The following TFB1M variants were observed in gnomAD, a reference collection of about 807,000 sequenced individuals.
The protein encoded by TFB1M is dimethyladenosine transferase 1, mitochondrial.
TFB1M carries 27 observed loss-of-function variants against 31.1 expected under a neutral mutation model. That is an observed-to-expected ratio of 0.87 (90% confidence interval 0.64 to 1.20). The LOEUF (loss-of-function observed/expected upper bound fraction) is 1.20, where lower values mean the gene tolerates loss of function less well. TFB1M is among the 50% of genes most tolerant of loss of function. The pLI, the probability that TFB1M is intolerant of heterozygous loss-of-function variation, is 0.00. For missense variants in TFB1M, 394 were observed against 418.7 expected (o/e 0.94, Z 0.51); for synonymous variants, 166 against 151.8 (o/e 1.09, Z -0.69).
chr6:155,288,913 A>G (rs1196427557), intron 4 of TFB1M, among the ~76,000 whole-genome samples: 1 of 152,214 alleles, frequency 6.6e-6, no homozygotes, highest in Non-Finnish European at 1.5e-5. Flanking sequence ...TTCAACATCC[A>G]TTACAAGATA....
At chr6:155,297,487 G>A (rs1290411687) in intron 3 of TFB1M, among the ~76,000 whole-genome samples, 1 of 152,166 alleles carries the variant, frequency 6.6e-6, no homozygotes, top group East Asian at 1.9e-4. Context: ...GGTACAGGCA[G>A]CATATAAAGA....
intron 5 of TFB1M, among the ~76,000 whole-genome samples, chr6:155,278,545 A>C (rs544046343): frequency 7.2e-5 from 11 of 152,100 alleles, no homozygotes; most frequent in Non-Finnish European, 1.5e-4. Flanking sequence ...GTCCTGGTCT[A>C]AAACCTAACA....
rs548727782 is a variant in TFB1M at position 155,310,214 on chromosome 6, A to G, written c.285+974T>C. Among the ~76,000 whole-genome samples, 11 of 152,324 alleles carry G rather than the reference A, an allele frequency of 7.2e-5. No homozygotes were observed. The South Asian group carries it at 2.3e-3, about 32-fold the overall frequency. On this transcript the variant is annotated intron_variant, in intron 2 of 6. Transcript: ENST00000367166. ...TGGAAGTAATAACGTAGATAACTACATTATTCTATTATAGTCACATGATAA... is the reference window on the plus strand; with the variant it reads ...TGGAAGTAATAACGTAGATAACTACGTTATTCTATTATAGTCACATGATAA...
chr6:155,260,728 G>T, intron 5 of TFB1M: 1 of 375,980 alleles, frequency 2.7e-6, no homozygotes, highest in Non-Finnish European at 5.1e-6. Flanking sequence ...ATAATAGATG[G>T]CATTAGAATA....
intron 5 of TFB1M, among the ~76,000 whole-genome samples, chr6:155,266,675 T>C (rs982224538): frequency 1.3e-4 from 19 of 151,636 alleles, no homozygotes; most frequent in Non-Finnish European, 2.2e-4. Flanking sequence ...TGAAACCCCG[T>C]CTCTACTAAA....
In TFB1M at chr6:155,285,274, G is replaced by A. The variant is rs779992470; in HGVS notation, c.550C>T (p.Leu184Phe). The A allele has an allele frequency of 6.2e-7, 1 of 1,613,892 alleles. No individual in the cohort carries two copies. Among genetic ancestry groups the A allele is most frequent in the South Asian group, 1.1e-5 (1 of 91,068 alleles). The change falls in exon 5 of 7, where the codon CTT (leucine) becomes TTT (phenylalanine). Residue 184 changes from leucine (L) to phenylalanine (F), a missense_variant. Coordinates refer to ENST00000367166, the MANE Select transcript of TFB1M (RefSeq NM_016020.4). Reference sequence around the variant, plus strand: ...TGTTTGCTTCCTGTATTGGCTGCAAGTCTCTAGAGAGAGACAAAAATGAAT... The same window carrying A: ...TGTTTGCTTCCTGTATTGGCTGCAAATCTCTAGAGAGAGACAAAAATGAAT... ...LTFQKEVAER[L>F]AANTGSKQRS...
chr6:155,297,702 A>G (rs1024415099), intron 3 of TFB1M, among the ~76,000 whole-genome samples: 3 of 152,252 alleles, frequency 2.0e-5, no homozygotes, highest in Non-Finnish European at 1.5e-5. Context: ...AAAGAGCAAG[A>G]GAAATCCTCC....
the TFB1M span, chr6:155,245,755 G>GTTTTTTTTTTTTTTTTTTTGTTT: frequency 1.1e-6 from 1 of 920,100 alleles, no homozygotes; most frequent in Non-Finnish European, 1.5e-6. Flanking sequence ...GCCTTTTATA[G>GTTTTTTTTTTTTTTTTTTTGTTT]TTTTTTTTTT....
chr6:155,309,915 A>C (rs546283221), intron 2 of TFB1M, among the ~76,000 whole-genome samples: 1 of 152,294 alleles, frequency 6.6e-6, no homozygotes, highest in South Asian at 2.1e-4. Context: ...TCTCAACATA[A>C]AGTTTAGTAT....
intron 2 of TFB1M, among the ~76,000 whole-genome samples, chr6:155,309,873 C>G (rs1299540680): frequency 6.6e-6 from 1 of 152,124 alleles, no homozygotes; most frequent in Admixed American, 6.5e-5. Context: ...TTAAATTCCA[C>G]ATTTGATCAA....
chr6:155,234,833 A>G, the TFB1M span, among the ~76,000 whole-genome samples: 1 of 152,220 alleles, frequency 6.6e-6, no homozygotes, highest in Non-Finnish European at 1.5e-5. Flanking sequence ...AGGTGGCTGC[A>G]TCCCTAGAAC....
intron 2 of TFB1M, among the ~76,000 whole-genome samples, chr6:155,309,682 T>A (rs1380743914): frequency 6.6e-6 from 1 of 152,108 alleles, no homozygotes; most frequent in African/African-American, 2.4e-5. Flanking sequence ...AGCAAAAAAG[T>A]CAGGTGAGTA....
At chr6:155,287,720 C>A (rs989582195) in intron 4 of TFB1M, among the ~76,000 whole-genome samples, 2 of 151,990 alleles carry the variant, frequency 1.3e-5, no homozygotes, top group African/African-American at 4.8e-5. Flanking sequence ...TATTTTATTT[C>A]TTTAAAAAAG....
chr6:155,283,180 C>T (rs324353), intron 5 of TFB1M, among the ~76,000 whole-genome samples: 87,151 of 152,000 alleles, frequency 0.57, 25,794 homozygotes, highest in East Asian at 0.84. Flanking sequence ...CCTGTAATCC[C>T]GGCACTTTGG....
chr6:155,255,402 C>A (rs1783936654), downstream of TFB1M: 3 of 152,242 alleles, frequency 2.0e-5, no homozygotes, highest in South Asian at 2.1e-4. Context: ...TCTACATTAA[C>A]TATTTTGTTA....
the TFB1M span, among the ~76,000 whole-genome samples, chr6:155,243,846 C>CAAAAAAAAAAAAAAAAAA: frequency 1.3e-4 from 7 of 55,050 alleles, no homozygotes; most frequent in African/African-American, 5.6e-4. Flanking sequence ...GACTCCGTCT[C>CAAAAAAAAAAAAAAAAAA]AAAAAAAAAA....
the TFB1M span, among the ~76,000 whole-genome samples, chr6:155,234,114 C>T: frequency 6.6e-6 from 1 of 151,598 alleles, no homozygotes; most frequent in Admixed American, 6.6e-5. Flanking sequence ...TGGTTTCATG[C>T]TCTTTTATGA....
Position 155,266,846 on chromosome 6 carries a change from CAAAAAAAAAAAAAAAAAAA to C in TFB1M, c.667-6465_667-6447del, listed in dbSNP as rs1213939199. ...TGGGCGACAGAGCGAGACTCCGTCT[CAAAAAAAAAAAAAAAAAAA>C]AAAAAAAGAATGACCAAATGAGCCA... On this transcript the variant is annotated intron_variant, in intron 5 of 6. Transcript: ENST00000367166. 8.0e-5 allele frequency among the ~76,000 whole-genome samples: 5 copies of C among 62,840 alleles called. No individual in the cohort carries two copies. The East Asian group carries it at 2.5e-3, about 32-fold the overall frequency. 41.2% of individuals were successfully genotyped at this position (62,840 alleles called of 152,430 possible).
At chr6:155,312,461 T>C (rs562091154) in intron 1 of TFB1M, among the ~76,000 whole-genome samples, 201 of 152,296 alleles carry the variant, frequency 1.3e-3, no homozygotes, top group African/African-American at 4.5e-3. Flanking sequence ...TAGGTATAAA[T>C]CCTAAAGCCA....
Sources: gnomAD v4.1 joint callset for allele counts (sites outside exome capture counted in the v4.1 genomes callset) on GRCh38, gnomAD v4.1.1 for gene constraint, MANE v1.5 for transcripts, NCBI Gene and HGNC (gene_info 2026-07-23, HGNC 2026-07-21) for gene names.